IL1RAPL2: variants seen among roughly 807,000 people sequenced by gnomAD.
The protein encoded by IL1RAPL2 is interleukin 1 receptor accessory protein like 2, also known as X-linked interleukin-1 receptor accessory protein-like 2.
IL1RAPL2 carries 3 observed loss-of-function variants against 44.1 expected under a neutral mutation model. The observed-to-expected ratio is 0.07, with a 90% CI of 0.03 to 0.18. IL1RAPL2 has a LOEUF of 0.18. Ranked by LOEUF, IL1RAPL2 falls within the 10% of genes least tolerant of loss-of-function variation. The probability of loss-of-function intolerance (pLI) is 1.00; values close to 1 mark genes in which losing one functional copy is unlikely to be tolerated. For synonymous variants in IL1RAPL2, 181 were observed against 178.8 expected (o/e 1.01, Z -0.10); for missense variants, 391 against 496.4 (o/e 0.79, Z 2.02).
At chrX:105,010,205 C>A (rs1270336895) in intron 2 of IL1RAPL2, among the ~76,000 whole-genome samples, 1 of 111,040 alleles carries the variant, frequency 9.0e-6, no homozygotes, top group African/African-American at 3.3e-5. Flanking sequence ...AAATGCCAAT[C>A]TGACATAGTG....
chrX:105,682,701 G>GA (rs1467079777), intron 6 of IL1RAPL2, among the ~76,000 whole-genome samples: 1 of 111,892 alleles, frequency 8.9e-6, no homozygotes, highest in African/African-American at 3.2e-5. Context: ...TTTCTGATTT[G>GA]AAAACTATTC....
At chrX:104,676,837 C>G (rs779795911) in intron 2 of IL1RAPL2, among the ~76,000 whole-genome samples, 11 of 111,689 alleles carry the variant, frequency 9.8e-5, no homozygotes, top group Non-Finnish European at 1.9e-4. Flanking sequence ...CTTCTCTCTT[C>G]ATTTCATTCA....
chrX:105,231,337 A>T (rs2034068333), intron 3 of IL1RAPL2, among the ~76,000 whole-genome samples: 1 of 111,790 alleles, frequency 8.9e-6, no homozygotes, highest in Non-Finnish European at 1.9e-5. Flanking sequence ...CCTAGTGGCT[A>T]TCCACAAATA....
rs556075963 is a variant in IL1RAPL2 at position 105,223,540 on chromosome X, C to A, written c.357-10278C>A. On this transcript the variant is annotated intron_variant, in intron 3 of 10. Coordinates refer to ENST00000372582, the MANE Select transcript of IL1RAPL2 (RefSeq NM_017416.2). ...GTGATTAGTTGTCTCTTTATACTGC[C>A]ATTCTCCCACTTCCGCTTATAAACA... Among the ~76,000 whole-genome samples, 4 of 112,108 alleles carry A rather than the reference C, an allele frequency of 3.6e-5. No homozygotes were observed. The South Asian group carries it at 1.5e-3, about 42-fold the overall frequency.
chrX:105,051,456 G>T (rs1371220040), intron 2 of IL1RAPL2, among the ~76,000 whole-genome samples: 1 of 112,927 alleles, frequency 8.9e-6, no homozygotes, highest in African/African-American at 3.2e-5. Context: ...GGGAAGCCCA[G>T]GTCTTCAGCT....
At chrX:104,775,487 T>C (rs1196433557) in intron 2 of IL1RAPL2, among the ~76,000 whole-genome samples, 1 of 111,703 alleles carries the variant, frequency 9.0e-6, no homozygotes, top group African/African-American at 3.2e-5. Context: ...ACAAATGGGG[T>C]GATTAGTTGC....
At chrX:104,701,684 T>G (rs1401966846) in intron 2 of IL1RAPL2, among the ~76,000 whole-genome samples, 1 of 112,048 alleles carries the variant, frequency 8.9e-6, no homozygotes, top group East Asian at 2.8e-4. Flanking sequence ...ATGAATGTGC[T>G]TCTAGATTTG....
chrX:105,590,838 T>C (rs1383241785), intron 6 of IL1RAPL2, among the ~76,000 whole-genome samples: 3 of 103,239 alleles, frequency 2.9e-5, no homozygotes, highest in African/African-American at 1.2e-4. Flanking sequence ...TGTGTGTGTG[T>C]GTGTGTGTGT....
chrX:105,522,215 G>T (rs1602449341), intron 6 of IL1RAPL2, among the ~76,000 whole-genome samples: 1 of 111,963 alleles, frequency 8.9e-6, no homozygotes, highest in East Asian at 2.8e-4. Context: ...TTTGAGGGAG[G>T]TGATTTGACA....
intron 5 of IL1RAPL2, among the ~76,000 whole-genome samples, chrX:105,353,475 A>G (rs1217616810): frequency 9.0e-6 from 1 of 111,713 alleles, no homozygotes; most frequent in African/African-American, 3.3e-5. Flanking sequence ...GAAGAAAGTC[A>G]TTGGAAGCTT....
At chrX:105,663,004 C>T (rs181424662) in intron 6 of IL1RAPL2, among the ~76,000 whole-genome samples, 192 of 112,231 alleles carry the variant, frequency 1.7e-3, no homozygotes, top group Middle Eastern at 0.014. Flanking sequence ...TAACAATTAG[C>T]CTATCACATC....
Position 105,096,408 on chromosome X carries a change from T to C in IL1RAPL2, c.83-99067T>C, listed in dbSNP as rs149569238. 2.3e-3 allele frequency among the ~76,000 whole-genome samples: 257 copies of C among 112,317 alleles called. 5 individuals are homozygous for C. The East Asian group carries it at 0.052, about 23-fold the overall frequency. ...TCTACATAAATTTTCATAGTAGCAT[T>C]ATTCATATTCATAACAGCCAGAAAG... On this transcript the variant is annotated intron_variant, in intron 2 of 10. Coordinates refer to ENST00000372582, the MANE Select transcript of IL1RAPL2 (RefSeq NM_017416.2).
chrX:104,644,061 G>A (rs747765757), intron 1 of IL1RAPL2, among the ~76,000 whole-genome samples: 7 of 111,301 alleles, frequency 6.3e-5, no homozygotes, highest in Admixed American at 2.9e-4. Context: ...CTATTGCCAC[G>A]CAATTCTTGT....
At position 104,830,492 on chromosome X, in the gene IL1RAPL2, G is replaced by A. The variant is rs138820589; in HGVS notation, c.82+171497G>A. Among the ~76,000 whole-genome samples the A allele has an allele frequency of 9.1e-3, 1,013 of 111,422 alleles. 7 individuals are homozygous for A. The highest frequency in any genetic ancestry group is 0.031 in the African/African-American group (954 of 30,674). ...TGTTTTCACTGGAAAATAAATAATG[G>A]ATGCTATAGTCTTATGTCCCCAAGA... On this transcript the variant is annotated intron_variant, in intron 2 of 10. Coordinates refer to ENST00000372582, the MANE Select transcript of IL1RAPL2 (RefSeq NM_017416.2).
chrX:105,381,105 G>A (rs896530468), intron 5 of IL1RAPL2, among the ~76,000 whole-genome samples: 1 of 111,129 alleles, frequency 9.0e-6, no homozygotes, highest in Non-Finnish European at 1.9e-5. Context: ...ATCATTCTAA[G>A]TATTTTTGTA....
At chrX:104,726,878 T>C (rs1931807036) in intron 2 of IL1RAPL2, among the ~76,000 whole-genome samples, 1 of 110,390 alleles carries the variant, frequency 9.1e-6, no homozygotes, top group Non-Finnish European at 1.9e-5. Context: ...CTCAGGACTG[T>C]TTTGGCTATT....
At chrX:105,007,979 T>C (rs1227507486) in intron 2 of IL1RAPL2, among the ~76,000 whole-genome samples, 1 of 114,736 alleles carries the variant, frequency 8.7e-6, no homozygotes, top group Non-Finnish European at 1.9e-5. Flanking sequence ...AATTGGTTAC[T>C]TACTATTGAG....
intron 5 of IL1RAPL2, among the ~76,000 whole-genome samples, chrX:105,452,988 G>T (rs934554374): frequency 8.9e-6 from 1 of 112,352 alleles, no homozygotes; most frequent in South Asian, 3.6e-4. Context: ...GATTAGTGGT[G>T]CACATTCACT....
At chrX:104,732,804 C>A (rs761549902) in intron 2 of IL1RAPL2, among the ~76,000 whole-genome samples, 17 of 111,541 alleles carry the variant, frequency 1.5e-4, no homozygotes, top group Non-Finnish European at 3.0e-4. Context: ...TTTACCCAAA[C>A]AAGATAGATA....
Sources: gnomAD v4.1 joint callset for allele counts (sites outside exome capture counted in the v4.1 genomes callset) on GRCh38, gnomAD v4.1.1 for gene constraint, MANE v1.5 for transcripts, NCBI Gene and HGNC (gene_info 2026-07-23, HGNC 2026-07-21) for gene names.